The following FLI1 variants were observed in gnomAD, a reference collection of about 807,000 sequenced individuals.
The protein encoded by FLI1 is Fli-1 proto-oncogene, ETS transcription factor.
Under a neutral mutation model 53.1 loss-of-function variants are expected in FLI1, and 13 were observed. The observed-to-expected ratio is 0.24, with a 90% CI of 0.16 to 0.39. The LOEUF (loss-of-function observed/expected upper bound fraction) is 0.39. Ranked by LOEUF, FLI1 falls within the 10% of genes least tolerant of loss-of-function variation. The probability of loss-of-function intolerance (pLI) is 1.00; values close to 1 mark genes in which losing one functional copy is unlikely to be tolerated. For synonymous variants in FLI1, 244 were observed against 236.7 expected (o/e 1.03, Z -0.28); for missense variants, 424 against 600.5 (o/e 0.71, Z 3.07).
At chr11:128,751,769 C>T (rs2135795994) in intron 1 of FLI1, among the ~76,000 whole-genome samples, 1 of 150,716 alleles carries the variant, frequency 6.6e-6, no homozygotes, top group South Asian at 2.1e-4. Context: ...ACCTCGTGAT[C>T]CACCCACCTC....
chr11:128,783,578 C>T (rs191620345), intron 5 of FLI1, among the ~76,000 whole-genome samples: 230 of 152,178 alleles, frequency 1.5e-3, no homozygotes, highest in Middle Eastern at 3.4e-3. Flanking sequence ...ACTTTTTGAC[C>T]TATTTTAATA....
intron 1 of FLI1, among the ~76,000 whole-genome samples, chr11:128,738,468 G>A (rs1369294419): frequency 2.6e-5 from 4 of 152,164 alleles, no homozygotes. Flanking sequence ...CTTCCAGGTG[G>A]GACACCCAAG....
intron 5 of FLI1, among the ~76,000 whole-genome samples, chr11:128,788,950 G>A (rs1027865648): frequency 6.6e-6 from 1 of 152,144 alleles, no homozygotes; most frequent in Non-Finnish European, 1.5e-5. Flanking sequence ...AGTAAGTAAG[G>A]AACTACTGTG....
At chr11:128,728,088 A>C (rs1203807192) in intron 1 of FLI1, among the ~76,000 whole-genome samples, 1 of 152,262 alleles carries the variant, frequency 6.6e-6, no homozygotes, top group African/African-American at 2.4e-5. Context: ...TTGGGCCTTC[A>C]GCAGAGTAGC....
In FLI1 at chr11:128,774,007, G is replaced by A. The variant is rs75226705; in HGVS notation, c.589+1022G>A. On this transcript the variant is annotated intron_variant, in intron 4 of 8. Transcript: ENST00000527786. ...GGCTTGATGATTTTAAGCCCCCTTC[G>A]CAAGTTCAGATCCTTAGACAGCAAC... 2.2e-3 allele frequency among the ~76,000 whole-genome samples: 339 copies of A among 152,208 alleles called. 1 individual carries two copies. Among genetic ancestry groups the A allele is most frequent in the African/African-American group, 7.4e-3 (309 of 41,548 alleles).
At chr11:128,767,112 C>T (rs573257571) in intron 2 of FLI1, among the ~76,000 whole-genome samples, 14 of 152,256 alleles carry the variant, frequency 9.2e-5, no homozygotes, top group East Asian at 3.9e-4. Flanking sequence ...AGCTTCAGGG[C>T]GCCAGGTGGC....
chr11:128,792,345 C>G (rs1275551062), intron 5 of FLI1, among the ~76,000 whole-genome samples: 1 of 152,188 alleles, frequency 6.6e-6, no homozygotes, highest in East Asian at 1.9e-4. Flanking sequence ...CTCCTGCTAC[C>G]ATCTAAAAAA....
chr11:128,787,152 A>G (rs987689006), intron 5 of FLI1, among the ~76,000 whole-genome samples: 30 of 152,146 alleles, frequency 2.0e-4, no homozygotes, highest in African/African-American at 6.8e-4. Flanking sequence ...TCTCTCCAGG[A>G]GAGTCCTAGG....
chr11:128,723,917 A>G (rs1939359296), intron 1 of FLI1, among the ~76,000 whole-genome samples: 1 of 144,930 alleles, frequency 6.9e-6, no homozygotes, highest in Admixed American at 6.9e-5. Flanking sequence ...ATAGAGGAGG[A>G]GGAACAATGG....
intron 3 of FLI1, among the ~76,000 whole-genome samples, chr11:128,770,814 C>G (rs1462008260): frequency 1.3e-5 from 2 of 152,154 alleles, no homozygotes; most frequent in African/African-American, 2.4e-5. Context: ...TTTCCATTTG[C>G]CAATGATCCA....
At chr11:128,751,417 A>G (rs866874146) in intron 1 of FLI1, among the ~76,000 whole-genome samples, 6 of 150,524 alleles carry the variant, frequency 4.0e-5, no homozygotes, top group Non-Finnish European at 7.4e-5. Context: ...TGGTATGATC[A>G]TGGCTCACTG....
chr11:128,805,040 A>G, intron 5 of FLI1: 2 of 252,158 alleles, frequency 7.9e-6, no homozygotes, highest in South Asian at 3.1e-4. Context: ...TTATTTCCGT[A>G]TTAAAATTGA....
At chr11:128,728,689 C>T (rs565674623) in intron 1 of FLI1, among the ~76,000 whole-genome samples, 68 of 152,224 alleles carry the variant, frequency 4.5e-4, no homozygotes, top group Non-Finnish European at 8.5e-4. Context: ...CGTTCCAGTG[C>T]GTTCTGTATT....
At chr11:128,779,522 C>T (rs1466144460) in intron 4 of FLI1, among the ~76,000 whole-genome samples, 1 of 152,196 alleles carries the variant, frequency 6.6e-6, no homozygotes, top group African/African-American at 2.4e-5. Flanking sequence ...GTAATTGTGA[C>T]ATCTGTGGGA....
chr11:128,731,088 C>T (rs1939677359), intron 1 of FLI1, among the ~76,000 whole-genome samples: 1 of 152,370 alleles, frequency 6.6e-6, no homozygotes, highest in East Asian at 1.9e-4. Context: ...CAAAACAGCA[C>T]CTTTGGATAA....
At chr11:128,793,128 G>A (rs1052316043) in intron 5 of FLI1, among the ~76,000 whole-genome samples, 4 of 151,726 alleles carry the variant, frequency 2.6e-5, no homozygotes, top group African/African-American at 9.7e-5. Context: ...CAAAAACAAA[G>A]CAAAATAAGA....
At position 128,810,491 on chromosome 11, in the gene FLI1, C is replaced by T. The variant is rs1431024186; in HGVS notation, c.862C>T (p.Leu288=). 6.2e-7 allele frequency: 1 copy of T among 1,602,752 alleles called. No homozygotes were observed. Among genetic ancestry groups the T allele is most frequent in the Admixed American group, 1.7e-5 (1 of 58,524 alleles). The change falls in exon 9 of 9, where the codon CTG becomes TTG. Residue 288 remains leucine, a synonymous_variant. Transcript: ENST00000527786. This position sits in a 1 kb window ranked among gnomAD's most constrained non-coding sequence, Gnocchi z 6.6. ...GCAGATCCAGCTGTGGCAATTCCTC[C>T]TGGAGCTGCTCTCCGACAGCGCCAA... ...SGQIQLWQFL[L]ELLSDSANAS... is the part of the protein sequence containing the mutation.
At chr11:128,724,443 G>A (rs1296907822) in intron 1 of FLI1, among the ~76,000 whole-genome samples, 1 of 152,160 alleles carries the variant, frequency 6.6e-6, no homozygotes, top group Admixed American at 6.5e-5. Context: ...GGGAATTTGG[G>A]TTTTCTGTTG....
In FLI1 at chr11:128,812,450, G is replaced by A. The variant is rs985098535; in HGVS notation, c.*1462G>A. On this transcript the variant is annotated 3_prime_UTR_variant, in exon 9 of 9. Coordinates refer to ENST00000527786, the MANE Select transcript of FLI1 (RefSeq NM_002017.5). Reference sequence around the variant, plus strand: ...GACAGTTTTCTTATTTACCGCCCCCGTTAGGTCAAAGGGTTTTCCCTGGGG... The same window carrying A: ...GACAGTTTTCTTATTTACCGCCCCCATTAGGTCAAAGGGTTTTCCCTGGGG... 2.7e-5 allele frequency: 6 copies of A among 225,414 alleles called. No homozygotes were observed. Among genetic ancestry groups the A allele is most frequent in the Admixed American group, 5.7e-5 (1 of 17,552 alleles). 14.0% of individuals were successfully genotyped at this position (225,414 alleles called of 1,614,324 possible). A position where few individuals can be genotyped will look rare whatever the true frequency, so the allele number is the denominator to read the frequency against.
Sources: gnomAD v4.1 joint callset for allele counts (sites outside exome capture counted in the v4.1 genomes callset) on GRCh38, gnomAD v4.1.1 for gene constraint, Gnocchi (gnomAD v3.1) non-coding constraint, MANE v1.5 for transcripts, NCBI Gene and HGNC (gene_info 2026-07-23, HGNC 2026-07-21) for gene names.